PLEKHA5: variants seen among roughly 807,000 people sequenced by gnomAD.
PLEKHA5 encodes pleckstrin homology domain-containing family A member 5.
A neutral mutation model predicts 181.9 loss-of-function variants in PLEKHA5; 55 were observed. That is an observed-to-expected ratio of 0.30 (90% CI 0.24 to 0.38). PLEKHA5 has a LOEUF of 0.38. Among genes scored for constraint, PLEKHA5 ranks in the 10% least tolerant of loss-of-function variants. PLEKHA5 has a pLI of 1.00. For missense variants in PLEKHA5, 1,432 were observed against 1,549.5 expected (o/e 0.92, Z 1.27); for synonymous variants, 535 against 529.4 (o/e 1.01, Z -0.15).
At chr12:19,333,176 T>C (rs532176809) in intron 20 of PLEKHA5, among the ~76,000 whole-genome samples, 9 of 152,072 alleles carry the variant, frequency 5.9e-5, no homozygotes, top group African/African-American at 2.2e-4. Context: ...TCCCAACTAC[T>C]CGGGAGCCTG....
intron 30 of PLEKHA5, among the ~76,000 whole-genome samples, chr12:19,369,413 G>A (rs1303071004): frequency 6.6e-6 from 1 of 151,996 alleles, no homozygotes; most frequent in Non-Finnish European, 1.5e-5. Flanking sequence ...AAAATAACAG[G>A]CTGGGCACAT....
chr12:19,298,626 C>T (rs1005488606), intron 15 of PLEKHA5, among the ~76,000 whole-genome samples: 1 of 151,866 alleles, frequency 6.6e-6, no homozygotes, highest in Admixed American at 6.6e-5. Context: ...GCCTCAGCCT[C>T]CCAAAGTGCT....
intron 3 of PLEKHA5, among the ~76,000 whole-genome samples, chr12:19,162,205 T>C (rs74936844): frequency 2.9e-4 from 44 of 152,252 alleles, no homozygotes; most frequent in African/African-American, 1.0e-3. Flanking sequence ...GGTTTATGTA[T>C]GTTAGGGGCT....
chr12:19,201,956 ATG>A, intron 3 of PLEKHA5: 1 of 704,036 alleles, frequency 1.4e-6, no homozygotes, highest in Non-Finnish European at 1.7e-6. Flanking sequence ...GTTTAATGAA[ATG>A]TGAATTACAC....
At chr12:19,245,660 G>C (rs890689699) in intron 3 of PLEKHA5, among the ~76,000 whole-genome samples, 2 of 135,266 alleles carry the variant, frequency 1.5e-5, no homozygotes, top group African/African-American at 5.4e-5. Flanking sequence ...CCCGGAGACA[G>C]AGCTTGCAGT....
intron 3 of PLEKHA5, among the ~76,000 whole-genome samples, chr12:19,169,708 T>G (rs1234622143): frequency 6.6e-6 from 1 of 152,216 alleles, no homozygotes; most frequent in Non-Finnish European, 1.5e-5. Context: ...AACCTTGTCT[T>G]CCTTCTTTAT....
chr12:19,288,077 C>CAAAAAAAAAAAAAAAAAAAAA (rs9300127), intron 13 of PLEKHA5: 1 of 172,994 alleles, frequency 5.8e-6, no homozygotes, highest in Non-Finnish European at 1.1e-5. Flanking sequence ...GACTCTGTCT[C>CAAAAAAAAAAAAAAAAAAAAA]AAAAAAAAAA....
intron 3 of PLEKHA5, among the ~76,000 whole-genome samples, chr12:19,196,812 C>CTTTTTTTTTTTTTTTTTTTTT (rs3056387): frequency 8.2e-6 from 1 of 122,596 alleles, no homozygotes; most frequent in African/African-American, 3.1e-5. Context: ...TTTTTTTTTT[C>CTTTTTTTTTTTTTTTTTTTTT]TTTTTTTTTT....
At chr12:19,367,483 G>A (rs1464855665) in intron 30 of PLEKHA5, among the ~76,000 whole-genome samples, 8 of 145,980 alleles carry the variant, frequency 5.5e-5, no homozygotes, top group Non-Finnish European at 8.8e-5. Flanking sequence ...TTGAACTCCT[G>A]ACCTCAGGTG....
intron 3 of PLEKHA5, among the ~76,000 whole-genome samples, chr12:19,189,634 C>T (rs2050640254): frequency 6.6e-6 from 1 of 152,096 alleles, no homozygotes; most frequent in African/African-American, 2.4e-5. Flanking sequence ...ATGGAAATTT[C>T]AGGCAGGAAG....
chr12:19,187,391 T>C (rs1469158343), intron 3 of PLEKHA5, among the ~76,000 whole-genome samples: 1 of 152,204 alleles, frequency 6.6e-6, no homozygotes, highest in Non-Finnish European at 1.5e-5. Context: ...TGGTTCTGGC[T>C]CAGGTTCTCT....
At chr12:19,360,397 G>A (rs1437845085) in intron 28 of PLEKHA5, among the ~76,000 whole-genome samples, 6 of 151,892 alleles carry the variant, frequency 4.0e-5, no homozygotes, top group East Asian at 1.9e-4. Context: ...CTTGAGGCCC[G>A]GAGTTCGAGA....
intron 3 of PLEKHA5, among the ~76,000 whole-genome samples, chr12:19,202,239 G>A (rs1206760575): frequency 1.3e-5 from 2 of 151,964 alleles, no homozygotes; most frequent in Non-Finnish European, 2.9e-5. Context: ...GTGTGACACT[G>A]GAGAAGCCTC....
intron 29 of PLEKHA5, among the ~76,000 whole-genome samples, chr12:19,364,045 A>C (rs1411330676): frequency 6.6e-6 from 1 of 152,258 alleles, no homozygotes; most frequent in Non-Finnish European, 1.5e-5. Flanking sequence ...CAACAACAAA[A>C]AAATTACTTG....
chr12:19,325,077 A>T (rs2091774019), intron 20 of PLEKHA5, among the ~76,000 whole-genome samples: 1 of 152,228 alleles, frequency 6.6e-6, no homozygotes, highest in Non-Finnish European at 1.5e-5. Context: ...CAGATGGGAA[A>T]TTTGTTAAAA....
At chr12:19,260,376 A>G (rs2068107143) in intron 6 of PLEKHA5, among the ~76,000 whole-genome samples, 1 of 152,214 alleles carries the variant, frequency 6.6e-6, no homozygotes, top group African/African-American at 2.4e-5. Flanking sequence ...AGTGAATTCC[A>G]AATTGCTTAC....
In PLEKHA5 at chr12:19,337,254, T is replaced by C. The variant is rs137969829; in HGVS notation, c.2550+638T>C. Among the ~76,000 whole-genome samples the C allele has an allele frequency of 4.9e-4, 74 of 152,076 alleles. No homozygotes were observed. In the East Asian group the frequency reaches 0.012, roughly 25 times the overall value. On this transcript the variant is annotated intron_variant, in intron 21 of 31. Transcript: ENST00000429027. ...AGGGTTAGTTTTCTTATCTATAAAA[T>C]AGAAATAATAATACTTGGCCGGGCA...
At chr12:19,151,901 C>G (rs1416044315) in intron 3 of PLEKHA5, 2 of 136,728 alleles carry the variant, frequency 1.5e-5, no homozygotes, top group Non-Finnish European at 1.5e-5. Context: ...GGGTCTTGCA[C>G]TGTCACCCAG....
Position 19,320,071 on chromosome 12 carries a change from A to G in PLEKHA5, c.2154+15A>G. On this transcript the variant is annotated intron_variant, in intron 17 of 31. Transcript: ENST00000429027. ...GTCTATATTGTGTATGTGTGTTTAT[A>G]TATTATATATATGTATACAATATGT... 2.2e-6 allele frequency: 2 copies of G among 892,708 alleles called. No individual in the cohort carries two copies. Among genetic ancestry groups the G allele is most frequent in the Non-Finnish European group, 3.4e-6 (2 of 590,926 alleles). 55.3% of individuals were successfully genotyped at this position (892,708 alleles called of 1,614,324 possible).
Sources: gnomAD v4.1 joint callset for allele counts (sites outside exome capture counted in the v4.1 genomes callset) on GRCh38, gnomAD v4.1.1 for gene constraint, MANE v1.5 for transcripts, NCBI Gene and HGNC (gene_info 2026-07-23, HGNC 2026-07-21) for gene names.